The following ASTN2 variants were observed in gnomAD, a reference collection of about 807,000 sequenced individuals.
The protein encoded by ASTN2 is astrotactin 2.
In ASTN2, 54 loss-of-function variants were observed where a neutral mutation model predicts 139.8. That is an observed-to-expected ratio of 0.39 (90% CI 0.31 to 0.48). ASTN2 has a LOEUF of 0.48. Among genes scored for constraint, ASTN2 ranks in the 20% least tolerant of loss-of-function variants. ASTN2 has a pLI of 0.95. For missense variants in ASTN2, 1,565 were observed against 1,725.1 expected, an observed-to-expected ratio of 0.91 and a Z score of 1.64; for synonymous variants, 756 against 719.5, an observed-to-expected ratio of 1.05 and a Z score of -0.81.
At position 117,329,264 on chromosome 9, in the gene ASTN2, T is replaced by A. The variant is rs569838988; in HGVS notation, c.443-37751A>T. ...CCCTTTAAAATAATTGAAACAAGAT[T>A]TTTTTTGAAAACACAGGTATGAGGT... On this transcript the variant is annotated intron_variant, in intron 1 of 22. Transcript: ENST00000313400. Among the ~76,000 whole-genome samples the A allele has an allele frequency of 5.9e-5, 9 of 151,862 alleles. No homozygotes were observed. The South Asian group carries it at 1.9e-3, about 32-fold the overall frequency.
At chr9:116,941,211 A>C (rs1388491719) in intron 10 of ASTN2, among the ~76,000 whole-genome samples, 1 of 152,078 alleles carries the variant, frequency 6.6e-6, no homozygotes, top group Non-Finnish European at 1.5e-5. Context: ...TGGTTATGGC[A>C]TATTGTTTAG....
Position 117,090,667 on chromosome 9 carries a change from G to A in ASTN2, c.1276+5377C>T, listed in dbSNP as rs1286477165. On this transcript the variant is annotated intron_variant, in intron 5 of 22. Coordinates refer to ENST00000313400, the MANE Select transcript of ASTN2 (RefSeq NM_001365068.1). ...TAAGACCCAGCACCTTCCACTGGGTGCTTACTCTGTGAGGCAGGTGTCAAC... is the reference window on the plus strand; with the variant it reads ...TAAGACCCAGCACCTTCCACTGGGTACTTACTCTGTGAGGCAGGTGTCAAC... Among the ~76,000 whole-genome samples the A allele has an allele frequency of 1.3e-5, 2 of 152,166 alleles. 1 individual carries two copies.
chr9:117,319,760 A>G (rs150561867), intron 1 of ASTN2, among the ~76,000 whole-genome samples: 24 of 152,220 alleles, frequency 1.6e-4, no homozygotes, highest in Middle Eastern at 3.4e-3. Context: ...TTAAGGCTCA[A>G]TGAGGTATTT....
At chr9:116,464,347 G>C (rs1413820124) in intron 20 of ASTN2, among the ~76,000 whole-genome samples, 2 of 152,066 alleles carry the variant, frequency 1.3e-5, no homozygotes, top group Non-Finnish European at 2.9e-5. Flanking sequence ...TTTTTGTGAG[G>C]ATTATTTGTT....
At position 116,543,884 on chromosome 9, in the gene ASTN2, G is replaced by C. The variant is rs570038459; in HGVS notation, c.3356-56384C>G. 23 of 152,304 alleles carry C rather than the reference G, an allele frequency of 1.5e-4. No individual in the cohort carries two copies. In the East Asian group the frequency reaches 4.3e-3, roughly 28 times the overall value. The allele number at this position is 152,304 out of a possible 1,614,324, so 9.4% of individuals were successfully genotyped here. A position where few individuals can be genotyped will look rare whatever the true frequency, so the allele number is the denominator to read the frequency against. ...ATCTTCTGCTGAGCTACAGGGCCCA[G>C]TGGACAAACACTGATGAGAACGTGA... is the stretch of plus-strand genomic sequence containing the variant. On this transcript the variant is annotated intron_variant, in intron 19 of 22. Coordinates refer to ENST00000313400, the MANE Select transcript of ASTN2 (RefSeq NM_001365068.1).
In ASTN2 at chr9:116,425,501, T is replaced by A; in HGVS notation, c.*350A>T. On this transcript the variant is annotated 3_prime_UTR_variant, in exon 23 of 23. Transcript: ENST00000313400. ...TCCATGGCAGGAAGAAAGCAGAGTG[T>A]GGCAGGAAGAAGGAAGAAGAGCAAA... 1 of 1,482,648 alleles carries A rather than the reference T, an allele frequency of 6.7e-7. No individual in the cohort carries two copies. 91.8% of individuals were successfully genotyped at this position (1,482,648 alleles called of 1,614,324 possible). A position where few individuals can be genotyped will look rare whatever the true frequency, so the allele number is the denominator to read the frequency against.
intron 3 of ASTN2, among the ~76,000 whole-genome samples, chr9:117,161,594 A>T (rs1039677245): frequency 2.6e-5 from 4 of 152,034 alleles, no homozygotes; most frequent in African/African-American, 7.2e-5. Context: ...GGGTTTTGCC[A>T]TGTTGGCCAG....
In ASTN2 at chr9:116,883,650, G is replaced by T. The variant is rs540094550; in HGVS notation, c.1890-19917C>A. ...ACTACCCCCTCGGCCTTCCTAAGTGGCATGGAGGTTGCAGATGCAGAAATC... is the reference window on the plus strand; with the variant it reads ...ACTACCCCCTCGGCCTTCCTAAGTGTCATGGAGGTTGCAGATGCAGAAATC... On this transcript the variant is annotated intron_variant, in intron 10 of 22. Transcript: ENST00000313400. 3.9e-5 allele frequency among the ~76,000 whole-genome samples: 6 copies of T among 152,258 alleles called. No homozygotes were observed. The East Asian group carries it at 1.2e-3, about 29-fold the overall frequency.
At chr9:116,595,441 C>T (rs1476285926) in intron 19 of ASTN2, among the ~76,000 whole-genome samples, 3 of 152,182 alleles carry the variant, frequency 2.0e-5, no homozygotes, top group African/African-American at 7.2e-5. Flanking sequence ...ATTCTCCTGC[C>T]TCAGCCTCCT....
chr9:116,787,337 C>T (rs1306877499), intron 13 of ASTN2, among the ~76,000 whole-genome samples: 1 of 152,206 alleles, frequency 6.6e-6, no homozygotes, highest in East Asian at 1.9e-4. Flanking sequence ...TTCTCTGCCC[C>T]TTTAAGACAT....
At chr9:116,565,388 C>CTCTCTCTCTCTAT (rs1564120372) in intron 19 of ASTN2, among the ~76,000 whole-genome samples, 1 of 34,024 alleles carries the variant, frequency 2.9e-5, no homozygotes, top group Non-Finnish European at 4.8e-5. Flanking sequence ...TCTCTCTCTC[C>CTCTCTCTCTCTAT]ATATATATAT....
intron 19 of ASTN2, among the ~76,000 whole-genome samples, chr9:116,577,781 A>T (rs1853780894): frequency 6.6e-6 from 1 of 152,204 alleles, no homozygotes; most frequent in Non-Finnish European, 1.5e-5. Flanking sequence ...ACTTGAAGCT[A>T]GAAGGGATAG....
chr9:116,738,787 C>G (rs1473604233), intron 13 of ASTN2, among the ~76,000 whole-genome samples: 1 of 152,184 alleles, frequency 6.6e-6, no homozygotes, highest in East Asian at 1.9e-4. Context: ...CATTCTAACC[C>G]CTAGCTTCCA....
chr9:116,832,002 C>T (rs780853073), intron 11 of ASTN2, among the ~76,000 whole-genome samples: 1 of 152,066 alleles, frequency 6.6e-6, no homozygotes, highest in Non-Finnish European at 1.5e-5. Flanking sequence ...GTCAGATTTG[C>T]ATCTGAGTAT....
intron 18 of ASTN2, 36 bp downstream of exon 18, chr9:116,620,274 G>C (rs1481609795): frequency 1.9e-6 from 3 of 1,613,844 alleles, no homozygotes; most frequent in East Asian, 2.2e-5. Context: ...TCCACGAAAA[G>C]GGATGGCCAA....
At chr9:117,054,523 G>T (rs1295847048) in intron 5 of ASTN2, among the ~76,000 whole-genome samples, 1 of 152,222 alleles carries the variant, frequency 6.6e-6, no homozygotes, top group African/African-American at 2.4e-5. Flanking sequence ...GCAGAGATCA[G>T]TGCAGAGCAG....
chr9:116,446,187 T>C (rs1250134934), intron 20 of ASTN2, among the ~76,000 whole-genome samples: 2 of 146,984 alleles, frequency 1.4e-5, no homozygotes, highest in Non-Finnish European at 3.0e-5. Context: ...AGCAAATCCA[T>C]ACAGCAGGAG....
intron 3 of ASTN2, among the ~76,000 whole-genome samples, 160 bp from the exon 4 acceptor site, chr9:117,141,638 T>C (rs1041911136): frequency 2.6e-5 from 4 of 152,112 alleles, no homozygotes; most frequent in Non-Finnish European, 4.4e-5. Context: ...ATTGAAGATA[T>C]AGAATCAAAA....
chr9:117,216,857 C>T (rs958954359), intron 2 of ASTN2, among the ~76,000 whole-genome samples: 1 of 152,162 alleles, frequency 6.6e-6, no homozygotes, highest in Non-Finnish European at 1.5e-5. Flanking sequence ...AGGGCTGACC[C>T]TCTCCTTAAC....
Sources: gnomAD v4.1 joint callset for allele counts (sites outside exome capture counted in the v4.1 genomes callset) on GRCh38, gnomAD v4.1.1 for gene constraint, MANE v1.5 for transcripts, NCBI Gene and HGNC (gene_info 2026-07-23, HGNC 2026-07-21) for gene names.